Variants in WWP1 observed in about 807,000 individuals in gnomAD.
WWP1 encodes the protein NEDD4-like E3 ubiquitin-protein ligase WWP1.
In WWP1, 49 loss-of-function variants were observed where a neutral mutation model predicts 130.6. The ratio of observed to expected loss-of-function variants is 0.38; its 90% CI spans 0.30 to 0.48. The LOEUF is 0.48. WWP1 is among the 20% of genes least tolerant of loss of function. WWP1 has a pLI of 0.99. For missense variants in WWP1, 809 were observed against 1,100.6 expected, an observed-to-expected ratio of 0.74 and a Z score of 3.75; for synonymous variants, 332 against 367.8, an observed-to-expected ratio of 0.90 and a Z score of 1.11.
chr8:86,448,460 G>C lies in WWP1; in HGVS notation c.2220G>C (p.Lys740Asn), dbSNP rs144060832. ...GAAAAGTTACTTCACATGACCTGAA[G>C]TTGGGAGGTTCCAATATTCTGGTGA... ...ILGKVTSHDL[K>N]LGGSNILVTE... is the part of the protein sequence containing the mutation. The change falls in exon 20 of 25, where the codon AAG becomes AAC. Residue 740 changes from lysine to asparagine, a missense_variant. Physicochemically the swap from Lys to Asn is moderately conservative, Grantham distance 94. This residue lies in a region of WWP1 where 450 missense variants were observed against 674.2 expected (regional missense o/e 0.67). Coordinates refer to ENST00000517970, the MANE Select transcript of WWP1 (RefSeq NM_007013.4). The C allele has an allele frequency of 7.9e-4, 1,280 of 1,613,838 alleles. 1 individual carries two copies. Among genetic ancestry groups the C allele is most frequent in the Admixed American group, 1.1e-3 (67 of 60,026 alleles).
At chr8:86,369,992 C>T (rs2130281321) in intron 2 of WWP1, among the ~76,000 whole-genome samples, 1 of 152,230 alleles carries the variant, frequency 6.6e-6, no homozygotes, top group South Asian at 2.1e-4. Context: ...GAACCAACTG[C>T]TCAGCTGAAG....
intron 1 of WWP1, among the ~76,000 whole-genome samples, chr8:86,366,817 C>T (rs1262904279): frequency 1.3e-5 from 2 of 152,040 alleles, no homozygotes; most frequent in Non-Finnish European, 2.9e-5. Context: ...TGGTCACCCT[C>T]CTGTTTACTC....
intron 1 of WWP1, among the ~76,000 whole-genome samples, chr8:86,360,972 T>C (rs562369670): frequency 1.3e-5 from 2 of 151,988 alleles, no homozygotes; most frequent in Non-Finnish European, 2.9e-5. Flanking sequence ...TTCAGGGTAA[T>C]TAGGTTGAGG....
At chr8:86,360,744 G>C (rs750900528) in intron 1 of WWP1, among the ~76,000 whole-genome samples, 2 of 152,214 alleles carry the variant, frequency 1.3e-5, no homozygotes, top group Non-Finnish European at 2.9e-5. Flanking sequence ...ACCTTGCAGA[G>C]TTGGGGGTAT....
At chr8:86,373,894 A>T (rs565379019) in intron 2 of WWP1, 136 bp from the exon 3 acceptor site, 19 of 588,138 alleles carry the variant, frequency 3.2e-5, no homozygotes, top group Admixed American at 2.4e-4. Flanking sequence ...TTTTCTTTTA[A>T]TGGGATGGTA....
intron 1 of WWP1, among the ~76,000 whole-genome samples, chr8:86,353,892 A>G (rs1011674691): frequency 6.6e-6 from 1 of 152,226 alleles, no homozygotes; most frequent in Non-Finnish European, 1.5e-5. Context: ...TATTGTGTCG[A>G]TGTTTACAAG....
intron 5 of WWP1, among the ~76,000 whole-genome samples, chr8:86,383,677 G>A (rs1825117041): frequency 6.6e-6 from 1 of 152,190 alleles, no homozygotes; most frequent in South Asian, 2.1e-4. Context: ...GGAGACGGAG[G>A]TTGCAGTGAA....
At chr8:86,419,243 C>A (rs564299733) in intron 9 of WWP1, among the ~76,000 whole-genome samples, 1 of 152,250 alleles carries the variant, frequency 6.6e-6, no homozygotes, top group Admixed American at 6.5e-5. Context: ...TATGGTAAAA[C>A]CCTGTCTCTA....
intron 4 of WWP1, 129 bp downstream of exon 4, chr8:86,380,993 G>T: frequency 8.3e-7 from 1 of 1,202,086 alleles, no homozygotes; most frequent in Non-Finnish European, 1.1e-6. Context: ...ACAATTTAAA[G>T]TATGGAGAAA....
intron 20 of WWP1, among the ~76,000 whole-genome samples, chr8:86,449,936 A>G (rs1194676231): frequency 6.6e-6 from 1 of 152,060 alleles, no homozygotes. Flanking sequence ...GTCAATAGAG[A>G]TCATTTAGGT....
chr8:86,460,240 GA>G (rs201183675), intron 22 of WWP1, among the ~76,000 whole-genome samples: 1 of 152,162 alleles, frequency 6.6e-6, no homozygotes. Flanking sequence ...TTTCATGGGA[GA>G]AAATACCACA....
chr8:86,363,695 C>T (rs1381851560), intron 1 of WWP1, among the ~76,000 whole-genome samples: 1 of 149,740 alleles, frequency 6.7e-6, no homozygotes, highest in Non-Finnish European at 1.5e-5. Flanking sequence ...ACTCAGGAGG[C>T]TGAGGCAGGA....
intron 8 of WWP1, among the ~76,000 whole-genome samples, chr8:86,410,668 T>G (rs1001999456): frequency 1.3e-5 from 2 of 151,032 alleles, no homozygotes; most frequent in African/African-American, 2.4e-5. Context: ...ATCTTTTTTT[T>G]GGGTCTTTTG....
chr8:86,429,248 A>G (rs1305750076), intron 11 of WWP1, among the ~76,000 whole-genome samples: 2 of 152,164 alleles, frequency 1.3e-5, no homozygotes, highest in African/African-American at 4.8e-5. Flanking sequence ...TGCCCTCACC[A>G]TGGCCTTCTG....
At chr8:86,426,768 A>C (rs954544577) in intron 10 of WWP1, among the ~76,000 whole-genome samples, 1 of 152,234 alleles carries the variant, frequency 6.6e-6, no homozygotes, top group African/African-American at 2.4e-5. Context: ...TAAAAAAGTA[A>C]TAAAAAGAGT....
intron 4 of WWP1, among the ~76,000 whole-genome samples, chr8:86,381,088 T>G (rs942175577): frequency 6.2e-5 from 8 of 129,858 alleles, no homozygotes. Context: ...CCATTTTCTC[T>G]GACTGTTTTG....
At chr8:86,429,239 G>A (rs1337357553) in intron 11 of WWP1, among the ~76,000 whole-genome samples, 1 of 152,174 alleles carries the variant, frequency 6.6e-6, no homozygotes, top group Admixed American at 6.5e-5. Context: ...AGCGAAGGAT[G>A]CCCTCACCAT....
intron 3 of WWP1, among the ~76,000 whole-genome samples, chr8:86,380,050 C>T (rs892940421): frequency 6.6e-6 from 1 of 152,162 alleles, no homozygotes; most frequent in African/African-American, 2.4e-5. Context: ...ACAAAAAAGC[C>T]TGTGCACAAA....
At chr8:86,426,743 G>T (rs1358533353) in intron 10 of WWP1, among the ~76,000 whole-genome samples, 1 of 152,172 alleles carries the variant, frequency 6.6e-6, no homozygotes, top group East Asian at 1.9e-4. Context: ...GCAATATAAT[G>T]GCAGGAAGGT....
Sources: allele counts gnomAD v4.1 joint callset (sites outside exome capture counted in the v4.1 genomes callset), GRCh38; gene constraint gnomAD v4.1.1; regional missense constraint gnomAD v4.1.1; transcripts MANE v1.5; gene names NCBI Gene and HGNC (gene_info 2026-07-23, HGNC 2026-07-21).